SMG1: variants seen among roughly 807,000 people sequenced by gnomAD.
SMG1 encodes the protein SMG1 nonsense mediated mRNA decay associated PI3K related kinase.
In SMG1, 22 loss-of-function variants were observed where a neutral mutation model predicts 419.9. That is an observed-to-expected ratio of 0.05 (90% CI 0.04 to 0.07). The LOEUF is 0.07. Ranked by LOEUF, SMG1 falls within the 10% of genes least tolerant of loss-of-function variation. The probability of loss-of-function intolerance (pLI) is 1.00; values close to 1 mark genes in which losing one functional copy is unlikely to be tolerated. For missense variants in SMG1, 3,185 were observed against 4,342.0 expected (o/e 0.73, Z 7.49); for synonymous variants, 1,538 against 1,553.5 (o/e 0.99, Z 0.23).
At position 18,829,411 on chromosome 16, in the gene SMG1, T is replaced by G; in HGVS notation, c.9478A>C (p.Thr3160Pro). Residue 3160 changes from threonine to proline, a missense_variant, in exon 54 of 63, where the codon ACT becomes CCT. Transcript: ENST00000446231. ...GTGTCGTAAGAACTTGCTAACACAGTTGCCCTGTTCATAACCAGCTGAGAG... is the reference window on the plus strand; with the variant it reads ...GTGTCGTAAGAACTTGCTAACACAGGTGCCCTGTTCATAACCAGCTGAGAG... ...KFSQLVMNRATVLASSYDTAW... is the reference protein window; with the variant it reads ...KFSQLVMNRAPVLASSYDTAW... 1 of 1,614,054 alleles carries G rather than the reference T, an allele frequency of 6.2e-7. No individual in the cohort carries two copies. The highest frequency in any genetic ancestry group is 8.5e-7 in the Non-Finnish European group (1 of 1,179,892).
intron 55 of SMG1, among the ~76,000 whole-genome samples, chr16:18,827,821 GTA>G (rs2032848520): frequency 7.2e-6 from 1 of 138,240 alleles, no homozygotes; most frequent in Admixed American, 7.8e-5. Context: ...ATATACCAAA[GTA>G]TATGTTTTTA....
chr16:18,889,103 C>A (rs2036770113), intron 6 of SMG1, among the ~76,000 whole-genome samples: 1 of 152,250 alleles, frequency 6.6e-6, no homozygotes, highest in Admixed American at 6.5e-5. Flanking sequence ...GGATTACAGG[C>A]GTGAGCCACC....
At chr16:18,925,010 A>G (rs1462829067) in intron 1 of SMG1, 1 of 152,174 alleles carries the variant, frequency 6.6e-6, no homozygotes, top group East Asian at 1.9e-4. Flanking sequence ...CCATGAATCA[A>G]TTACCCCTAA....
intron 56 of SMG1, among the ~76,000 whole-genome samples, 172 bp from the exon 57 acceptor site, chr16:18,817,642 T>C (rs1380280105): frequency 6.6e-6 from 1 of 152,164 alleles, no homozygotes; most frequent in East Asian, 1.9e-4. Flanking sequence ...TGTAAATAAA[T>C]GTACATTTAT....
At chr16:18,840,354 A>G (rs2033844069) in intron 41 of SMG1, among the ~76,000 whole-genome samples, 1 of 152,250 alleles carries the variant, frequency 6.6e-6, no homozygotes. Context: ...AACACATTAC[A>G]TGAGAATTTA....
intron 41 of SMG1, 88 bp downstream of exon 41, chr16:18,841,477 A>T: frequency 2.4e-6 from 3 of 1,241,908 alleles, no homozygotes; most frequent in Non-Finnish European, 3.5e-6. Context: ...ACTGCTTATA[A>T]ACATGCAAAA....
chr16:18,813,762 C>T lies in SMG1; in HGVS notation c.10621+1413G>A, dbSNP rs1208420718. On this transcript the variant is annotated intron_variant, in intron 60 of 62. Transcript: ENST00000446231. ...CATGCCTATGTCCTGAATGGTATTG[C>T]CTAGGTTTTCTTCTAGGGTTTTTAT... Among the ~76,000 whole-genome samples the T allele has an allele frequency of 2.6e-5, 4 of 151,988 alleles. 1 individual carries two copies. Among genetic ancestry groups the T allele is most frequent in the Admixed American group, 2.0e-4 (3 of 15,262 alleles).
At chr16:18,848,064 T>C (rs775324640) in intron 36 of SMG1, 31 bp from the exon 37 acceptor site, 10 of 1,577,998 alleles carry the variant, frequency 6.3e-6, no homozygotes, top group East Asian at 4.5e-5. Context: ...AAGGAATATT[T>C]TGAACATTTC....
intron 50 of SMG1, among the ~76,000 whole-genome samples, chr16:18,833,612 G>A (rs2033356899): frequency 6.6e-6 from 1 of 151,458 alleles, no homozygotes; most frequent in Admixed American, 6.6e-5. Flanking sequence ...ATAATAAACT[G>A]CATGTTTAAA....
At chr16:18,839,594 G>C (rs1249038800) in intron 42 of SMG1, 104 bp downstream of exon 42, 1 of 1,446,706 alleles carries the variant, frequency 6.9e-7, no homozygotes, top group Non-Finnish European at 9.5e-7. Flanking sequence ...TACCAAGTCT[G>C]GAGGGACAGA....
intron 55 of SMG1, among the ~76,000 whole-genome samples, chr16:18,827,790 A>G (rs1443479540): frequency 1.4e-5 from 2 of 145,578 alleles, no homozygotes; most frequent in African/African-American, 5.0e-5. Flanking sequence ...TATTTTATAT[A>G]TATTTTGGTA....
At chr16:18,836,937 A>G (rs149673456) in intron 46 of SMG1, among the ~76,000 whole-genome samples, 1,946 of 152,322 alleles carry the variant, frequency 0.013, 52 homozygotes, top group African/African-American at 0.045. Flanking sequence ...CCATTGTACA[A>G]ATGAGTAAGG....
intron 55 of SMG1, 72 bp downstream of exon 55, chr16:18,827,959 A>T: frequency 6.7e-7 from 1 of 1,495,002 alleles, no homozygotes. Flanking sequence ...TGAACAACAG[A>T]GCACTAACAA....
intron 25 of SMG1, among the ~76,000 whole-genome samples, chr16:18,862,475 C>G (rs2035265828): frequency 6.6e-6 from 1 of 152,190 alleles, no homozygotes; most frequent in Non-Finnish European, 1.5e-5. Context: ...TAGACTTTCT[C>G]CTTAGTTCCA....
chr16:18,895,690 GAA>G (rs200072583), intron 3 of SMG1, among the ~76,000 whole-genome samples: 13,301 of 132,374 alleles, frequency 0.1, 731 homozygotes, highest in African/African-American at 0.18. Context: ...ACTTAAAAGA[GAA>G]AAAAAAAAAA....
chr16:18,915,399 G>A (rs561198233), intron 1 of SMG1, among the ~76,000 whole-genome samples: 139 of 152,260 alleles, frequency 9.1e-4, no homozygotes, highest in African/African-American at 3.1e-3. Context: ...TAAGAGGAAC[G>A]CTTTCCCCAA....
chr16:18,818,779 C>T (rs12930188), intron 56 of SMG1, among the ~76,000 whole-genome samples: 14,257 of 151,268 alleles, frequency 0.094, 732 homozygotes, highest in Middle Eastern at 0.17. Context: ...GTTCTCCTCC[C>T]CCTGCCCAAT....
chr16:18,854,082 C>CTTTTTT (rs11448105), intron 30 of SMG1, among the ~76,000 whole-genome samples: 6 of 84,010 alleles, frequency 7.1e-5, no homozygotes, highest in East Asian at 3.1e-4. Flanking sequence ...AAATACTAAA[C>CTTTTTT]TTTTTTTTTT....
At position 18,829,746 on chromosome 16, in the gene SMG1, G is replaced by T; in HGVS notation, c.9143C>A (p.Ser3048Ter). 2 of 1,589,034 alleles carry T rather than the reference G, an allele frequency of 1.3e-6. No homozygotes were observed. The highest frequency in any genetic ancestry group is 2.3e-5 in the South Asian group (2 of 88,438). The change falls in exon 54 of 63, where the codon TCA becomes TAA. Residue 3048 changes from serine to a stop codon, truncating the protein, a stop_gained. Coordinates refer to ENST00000446231, the MANE Select transcript of SMG1 (RefSeq NM_015092.5). LOFTEE classifies it high-confidence loss of function. Reference protein sequence around the residue: ...TFSKTLSGSSSLEDQNTVNGP... With the variant: ...TFSKTLSGSS The stretch of plus-strand genomic sequence containing the variant: ...ATTCACAGTATTCTGATCTTCAAGT[G>T]AACTTGATCCTACAAAAAGGAAAAA...
Sources: allele counts gnomAD v4.1 joint callset (sites outside exome capture counted in the v4.1 genomes callset), GRCh38; gene constraint gnomAD v4.1.1; transcripts MANE v1.5; gene names NCBI Gene and HGNC (gene_info 2026-07-23, HGNC 2026-07-21).